PACRG: variants seen among roughly 807,000 people sequenced by gnomAD.
The protein encoded by PACRG is parkin coregulated.
Under a neutral mutation model 29.7 loss-of-function variants are expected in PACRG, and 29 were observed. The observed-to-expected ratio is 0.98, with a 90% CI of 0.73 to 1.33. PACRG has a LOEUF of 1.33. Among genes scored for constraint, PACRG ranks in the 40% most tolerant of loss-of-function variants. The pLI, the probability that PACRG is intolerant of heterozygous loss-of-function variation, is 0.00. For synonymous variants in PACRG, 116 were observed against 118.7 expected (o/e 0.98, Z 0.15); for missense variants, 279 against 316.2 (o/e 0.88, Z 0.89).
At chr6:163,083,353 G>A (rs1461047926) in intron 3 of PACRG, among the ~76,000 whole-genome samples, 1 of 152,152 alleles carries the variant, frequency 6.6e-6, no homozygotes, top group Non-Finnish European at 1.5e-5. Flanking sequence ...TGACCTGGAA[G>A]CTCCCTCCCC....
At chr6:163,286,878 G>A (rs1784419969) in intron 4 of PACRG, among the ~76,000 whole-genome samples, 1 of 152,132 alleles carries the variant, frequency 6.6e-6, no homozygotes, top group Admixed American at 6.6e-5. Context: ...ATGTGTACAC[G>A]TGTAGATGTA....
chr6:162,993,024 G>C (rs995578783), intron 2 of PACRG, among the ~76,000 whole-genome samples: 1 of 146,730 alleles, frequency 6.8e-6, no homozygotes, highest in African/African-American at 2.5e-5. Context: ...GGAGCAGGTT[G>C]TTCAGTTTCC....
chr6:162,737,562 T>C (rs1780261635), intron 1 of PACRG, among the ~76,000 whole-genome samples: 1 of 152,202 alleles, frequency 6.6e-6, no homozygotes, highest in African/African-American at 2.4e-5. Flanking sequence ...ATAGAGATAT[T>C]TGAGAGGAAT....
chr6:162,963,906 A>G (rs1158283659), intron 2 of PACRG, among the ~76,000 whole-genome samples: 3 of 152,168 alleles, frequency 2.0e-5, no homozygotes, highest in African/African-American at 7.2e-5. Flanking sequence ...TCACCTTTCT[A>G]GCACTATTTT....
chr6:163,019,956 T>C (rs1806457201), intron 2 of PACRG, among the ~76,000 whole-genome samples: 1 of 152,216 alleles, frequency 6.6e-6, no homozygotes, highest in Non-Finnish European at 1.5e-5. Context: ...AAGCTCAGCC[T>C]CTTCAACTAA....
intron 4 of PACRG, among the ~76,000 whole-genome samples, chr6:163,272,617 T>C (rs191868110): frequency 6.6e-6 from 1 of 152,244 alleles, no homozygotes; most frequent in Admixed American, 6.5e-5. Context: ...TGGAACTTTA[T>C]TGAGCATATT....
chr6:163,000,260 T>C (rs1804459257), intron 2 of PACRG, among the ~76,000 whole-genome samples: 1 of 152,188 alleles, frequency 6.6e-6, no homozygotes, highest in Admixed American at 6.5e-5. Flanking sequence ...CCTGAGATAG[T>C]GCCCTCCCGC....
chr6:162,791,952 C>T (rs557259508), intron 1 of PACRG, among the ~76,000 whole-genome samples: 1 of 144,342 alleles, frequency 6.9e-6, no homozygotes, highest in Non-Finnish European at 1.5e-5. Context: ...TGGTAGCAGC[C>T]TTCCGAAGTC....
intron 2 of PACRG, among the ~76,000 whole-genome samples, chr6:162,860,727 A>G (rs1791789289): frequency 6.6e-6 from 1 of 152,168 alleles, no homozygotes; most frequent in African/African-American, 2.4e-5. Flanking sequence ...TACAAATTTG[A>G]AATGTTTTGC....
chr6:163,181,693 A>G (rs1179900529), intron 4 of PACRG, among the ~76,000 whole-genome samples: 1 of 151,648 alleles, frequency 6.6e-6, no homozygotes, highest in East Asian at 1.9e-4. Context: ...CAAACCAAAT[A>G]GCAGAGGTTG....
At chr6:163,166,265 G>C (rs1778805009) in intron 4 of PACRG, 1 of 429,270 alleles carries the variant, frequency 2.3e-6, no homozygotes, top group Non-Finnish European at 4.8e-6. Context: ...CATTTGCCCT[G>C]CTCAACAACA....
At position 162,745,022 on chromosome 6, in the gene PACRG, T is replaced by C. The variant is rs181483436; in HGVS notation, c.156+16631T>C. Among the ~76,000 whole-genome samples, 19 of 152,308 alleles carry C rather than the reference T, an allele frequency of 1.2e-4. No individual in the cohort carries two copies. The East Asian group carries it at 3.7e-3, about 29-fold the overall frequency. The stretch of plus-strand genomic sequence containing the variant: ...TTTGGGCCCAGCATTCTAGACTTTT[T>C]CTATGTTATTTATTTCCTGGAAAAT... On this transcript the variant is annotated intron_variant, in intron 1 of 4. Coordinates refer to ENST00000366888, the MANE Select transcript of PACRG (RefSeq NM_001080379.2).
upstream of PACRG, chr6:162,727,722 G>C: frequency 6.5e-7 from 1 of 1,536,118 alleles, no homozygotes; most frequent in Non-Finnish European, 8.8e-7. Flanking sequence ...GCGCGCAGCG[G>C]CGCCAGCCGC....
intron 4 of PACRG, among the ~76,000 whole-genome samples, chr6:163,266,224 T>C (rs1437613884): frequency 2.0e-5 from 3 of 152,186 alleles, no homozygotes; most frequent in African/African-American, 7.2e-5. Flanking sequence ...CTTTATTCTT[T>C]CAGAACAGAT....
chr6:163,245,029 A>G (rs1171388316), intron 4 of PACRG: 2 of 455,558 alleles, frequency 4.4e-6, no homozygotes, highest in East Asian at 1.4e-4. Context: ...ATTTTCTACC[A>G]TCATTGTATG....
chr6:163,179,137 G>T (rs144814302), intron 4 of PACRG: 2 of 449,486 alleles, frequency 4.4e-6, no homozygotes, highest in Non-Finnish European at 9.0e-6. Context: ...GGCATGGACC[G>T]TGGTTTTATA....
Position 162,983,033 on chromosome 6 carries a change from C to T in PACRG, c.292-79117C>T, listed in dbSNP as rs576378684. Among the ~76,000 whole-genome samples, 27 of 152,046 alleles carry T rather than the reference C, an allele frequency of 1.8e-4. No homozygotes were observed. In the South Asian group the frequency reaches 2.1e-3, roughly 12 times the overall value. On this transcript the variant is annotated intron_variant, in intron 2 of 4. Transcript: ENST00000366888. Reference sequence around the variant, plus strand: ...TGGATTGTGATATTTTCCTGTTGAACGGATCCTTTTATCATTATATGATGT... The same window carrying T: ...TGGATTGTGATATTTTCCTGTTGAATGGATCCTTTTATCATTATATGATGT...
chr6:162,923,096 G>T (rs1434308543), intron 2 of PACRG, among the ~76,000 whole-genome samples: 1 of 152,048 alleles, frequency 6.6e-6, no homozygotes, highest in Admixed American at 6.5e-5. Flanking sequence ...ATCTCACTGT[G>T]GTCTTGATTT....
In PACRG at chr6:163,215,134, T is replaced by A. The variant is rs996602132; in HGVS notation, c.614-99693T>A. On this transcript the variant is annotated intron_variant, in intron 4 of 4. Transcript: ENST00000366888. ...GTCACGGCATTTTTTTTTTGTGCAA[T>A]GTACTGCTAAATTTCTTTGGTAATT... 1.8e-4 allele frequency among the ~76,000 whole-genome samples: 27 copies of A among 152,252 alleles called. No individual in the cohort carries two copies. In the South Asian group the frequency reaches 2.5e-3, roughly 14 times the overall value.
Sources: allele counts gnomAD v4.1 joint callset (sites outside exome capture counted in the v4.1 genomes callset), GRCh38; gene constraint gnomAD v4.1.1; transcripts MANE v1.5; gene names NCBI Gene and HGNC (gene_info 2026-07-23, HGNC 2026-07-21).